ANO10: variants seen among roughly 807,000 people sequenced by gnomAD.
ANO10 encodes anoctamin 10.
In ANO10, 77 loss-of-function variants were observed where a neutral mutation model predicts 74.7. The observed-to-expected ratio is 1.03, with a 90% CI of 0.86 to 1.25. The LOEUF is 1.25. Among genes scored for constraint, ANO10 ranks in the 50% most tolerant of loss-of-function variants. ANO10 has a pLI of 0.00. For missense variants in ANO10, 721 were observed against 778.1 expected, an observed-to-expected ratio of 0.93 and a Z score of 0.87; for synonymous variants, 279 against 284.9, an observed-to-expected ratio of 0.98 and a Z score of 0.21.
chr3:43,626,461 G>C (rs1304722677), upstream of ANO10, among the ~76,000 whole-genome samples: 1 of 151,628 alleles, frequency 6.6e-6, no homozygotes, highest in Non-Finnish European at 1.5e-5. Flanking sequence ...ACCACACCCG[G>C]CTAATTTTTG....
In ANO10 at chr3:43,690,925, C is replaced by A. The variant is rs561357404; in HGVS notation, c.-12+592G>T. On this transcript the variant is annotated intron_variant, in intron 1 of 3. Coordinates refer to the ANO10 transcript ENST00000413397. ...TGCGCCGCCTTAAGTGCCGCGCCAG[C>A]CCGGGGCGGCCCAGTCGGCCTGTCA... 9 of 1,505,436 alleles carry A rather than the reference C, an allele frequency of 6.0e-6. No individual in the cohort carries two copies. The African/African-American group carries it at 1.3e-4, about 22-fold the overall frequency. The allele number at this position is 1,505,436 out of a possible 1,614,324, so 93.3% of individuals were successfully genotyped here.
At chr3:43,442,856 T>A (rs929326788) in intron 11 of ANO10, among the ~76,000 whole-genome samples, 5 of 152,232 alleles carry the variant, frequency 3.3e-5, no homozygotes, top group African/African-American at 1.2e-4. Flanking sequence ...GTCCTTTGGC[T>A]GGGGTTTGCC....
rs7644626 is a variant in ANO10, at chr3:43,631,070, A to G, written c.-11-25207T>C. On this transcript the variant is annotated intron_variant, in intron 1 of 3. Transcript: ENST00000413397. The stretch of plus-strand genomic sequence containing the variant: ...ATTGTTTTAGTCTTTACTTCTCCCA[A>G]GCCAAAAACTAGGCAGCTGGAAGGC... Among the ~76,000 whole-genome samples, 1,370 of 152,290 alleles carry G rather than the reference A, an allele frequency of 9.0e-3. 17 individuals are homozygous for G. The highest frequency in any genetic ancestry group is 0.029 in the African/African-American group (1,190 of 41,560).
chr3:43,570,268 T>G (rs1335011698), intron 7 of ANO10, among the ~76,000 whole-genome samples: 1 of 146,572 alleles, frequency 6.8e-6, no homozygotes. Context: ...CCAAGGTAAT[T>G]TACAGATTCA....
chr3:43,456,568 G>T lies in ANO10; in HGVS notation c.1798-23841C>A, dbSNP rs567083739. On this transcript the variant is annotated intron_variant, in intron 11 of 12. Coordinates refer to ENST00000292246, the MANE Select transcript of ANO10 (RefSeq NM_018075.5). ...AAGCAATGAACCAAATTCATACATA[G>T]CCACATAGACAGATATCATAAACAC... Among the ~76,000 whole-genome samples the T allele has an allele frequency of 9.2e-5, 14 of 152,300 alleles. No homozygotes were observed. In the South Asian group the frequency reaches 2.9e-3, roughly 32 times the overall value.
intron 11 of ANO10, among the ~76,000 whole-genome samples, chr3:43,495,112 G>A (rs1281777471): frequency 3.3e-5 from 5 of 151,868 alleles, no homozygotes; most frequent in African/African-American, 1.2e-4. Context: ...AAAATAACGT[G>A]ATAAAAGTAG....
chr3:43,396,067 T>A (rs34472354), intron 12 of ANO10, among the ~76,000 whole-genome samples: 35,982 of 150,438 alleles, frequency 0.24, 4,487 homozygotes, highest in Middle Eastern at 0.4. Context: ...TTTATTAATT[T>A]ATTTATTTAT....
intron 1 of ANO10, among the ~76,000 whole-genome samples, chr3:43,687,644 T>C (rs1327897425): frequency 6.6e-6 from 1 of 152,146 alleles, no homozygotes; most frequent in Middle Eastern, 3.2e-3. Flanking sequence ...ACAAAGTAGG[T>C]ACTGGCGATC....
chr3:43,391,522 T>C (rs925233097), intron 12 of ANO10, among the ~76,000 whole-genome samples: 3 of 152,244 alleles, frequency 2.0e-5, no homozygotes, highest in Non-Finnish European at 4.4e-5. Context: ...ATTCACTCCT[T>C]TGTGGAATCC....
intron 1 of ANO10, among the ~76,000 whole-genome samples, chr3:43,662,756 A>T (rs2083941000): frequency 6.6e-6 from 1 of 152,212 alleles, no homozygotes. Context: ...AGAGAATACT[A>T]TAGACACCTC....
At chr3:43,503,438 G>A (rs1342373535) in intron 11 of ANO10, among the ~76,000 whole-genome samples, 1 of 152,196 alleles carries the variant, frequency 6.6e-6, no homozygotes, top group African/African-American at 2.4e-5. Context: ...TAGATGAGGA[G>A]AGGGGAGTAG....
intron 1 of ANO10, among the ~76,000 whole-genome samples, chr3:43,616,293 G>A (rs1168937130): frequency 6.6e-6 from 1 of 152,224 alleles, no homozygotes; most frequent in Admixed American, 6.5e-5. Context: ...CACCACCGGT[G>A]TGGCAGAAGC....
At chr3:43,611,567 C>T (rs2082819843) in intron 1 of ANO10, among the ~76,000 whole-genome samples, 1 of 152,096 alleles carries the variant, frequency 6.6e-6, no homozygotes, top group South Asian at 2.1e-4. Context: ...GTTATGTGAC[C>T]TTATGCAATT....
chr3:43,449,775 T>C (rs1345938010), intron 11 of ANO10, among the ~76,000 whole-genome samples: 4 of 152,174 alleles, frequency 2.6e-5, no homozygotes, highest in African/African-American at 7.2e-5. Flanking sequence ...TTGGGTCTTT[T>C]GCCACTCCAC....
At chr3:43,375,718 C>T (rs1456955086) in intron 12 of ANO10, among the ~76,000 whole-genome samples, 1 of 152,200 alleles carries the variant, frequency 6.6e-6, no homozygotes, top group Non-Finnish European at 1.5e-5. Context: ...TCAGGCAGGA[C>T]TCCCTGGACT....
intron 7 of ANO10, among the ~76,000 whole-genome samples, chr3:43,571,428 A>C (rs1010776946): frequency 1.3e-4 from 19 of 151,260 alleles, no homozygotes; most frequent in African/African-American, 4.6e-4. Context: ...AAGACTTGGA[A>C]CCAACCCAAA....
intron 1 of ANO10, among the ~76,000 whole-genome samples, chr3:43,643,232 C>T (rs183797932): frequency 1.9e-3 from 284 of 150,816 alleles, no homozygotes; most frequent in African/African-American, 5.9e-3. Context: ...GGGGTTTCAC[C>T]GTGTTAGCCA....
At chr3:43,493,140 A>T (rs893016334) in intron 11 of ANO10, among the ~76,000 whole-genome samples, 1 of 152,152 alleles carries the variant, frequency 6.6e-6, no homozygotes, top group African/African-American at 2.4e-5. Context: ...CTTTGCAGGG[A>T]AAGGAAGCCA....
At chr3:43,691,072 T>C in intron 1 of ANO10, 2 of 1,520,936 alleles carry the variant, frequency 1.3e-6, no homozygotes, top group Non-Finnish European at 1.8e-6. Flanking sequence ...TTCGTGTGTC[T>C]CCGGCGCGCA....
Sources: gnomAD v4.1 joint callset for allele counts (sites outside exome capture counted in the v4.1 genomes callset) on GRCh38, gnomAD v4.1.1 for gene constraint, MANE v1.5 for transcripts, NCBI Gene and HGNC (gene_info 2026-07-23, HGNC 2026-07-21) for gene names.